The following RALYL variants were observed in gnomAD, a reference collection of about 807,000 sequenced individuals.
RALYL encodes the protein RALY RNA binding protein like, also known as RNA-binding Raly-like protein.
Under a neutral mutation model 35.1 loss-of-function variants are expected in RALYL, and 29 were observed. The ratio of observed to expected loss-of-function variants is 0.83; its 90% CI spans 0.61 to 1.13. The LOEUF (loss-of-function observed/expected upper bound fraction) is 1.13, where lower values mean the gene tolerates loss of function less well. Ranked by LOEUF, RALYL falls within the 50% of genes most tolerant of loss-of-function variation. The pLI is 0.00. For missense variants in RALYL, 359 were observed against 360.4 expected (o/e 1.00, Z 0.03); for synonymous variants, 120 against 127.6 (o/e 0.94, Z 0.40).
At chr8:84,874,278 A>C (rs1840726298) in intron 7 of RALYL, among the ~76,000 whole-genome samples, 1 of 152,080 alleles carries the variant, frequency 6.6e-6, no homozygotes, top group South Asian at 2.1e-4. Context: ...ATTTCTTATA[A>C]AATAAATAAA....
chr8:84,826,247 A>G (rs568632790), intron 4 of RALYL, among the ~76,000 whole-genome samples: 1 of 149,998 alleles, frequency 6.7e-6, no homozygotes, highest in South Asian at 2.1e-4. Context: ...TCATCATCAT[A>G]CAATGCACCC....
At chr8:84,304,886 A>T (rs2132424769) in intron 1 of RALYL, among the ~76,000 whole-genome samples, 1 of 152,324 alleles carries the variant, frequency 6.6e-6, no homozygotes, top group East Asian at 1.9e-4. Context: ...TAGATGCTGC[A>T]CTTAACGGTA....
intron 2 of RALYL, among the ~76,000 whole-genome samples, chr8:84,631,828 T>C (rs145642439): frequency 6.6e-6 from 1 of 152,078 alleles, no homozygotes; most frequent in Non-Finnish European, 1.5e-5. Flanking sequence ...GGAAAAATTA[T>C]ACACAAAATT....
At chr8:84,446,048 T>A (rs1365364975) in intron 1 of RALYL, among the ~76,000 whole-genome samples, 1 of 152,036 alleles carries the variant, frequency 6.6e-6, no homozygotes, top group Non-Finnish European at 1.5e-5. Flanking sequence ...ATTTCCTTGT[T>A]TTATATTTTA....
chr8:84,879,613 T>C (rs1841824360), intron 7 of RALYL, among the ~76,000 whole-genome samples: 2 of 152,020 alleles, frequency 1.3e-5, no homozygotes, highest in Admixed American at 6.6e-5. Flanking sequence ...TAGGAGTGCA[T>C]GTATTTAAAA....
intron 1 of RALYL, among the ~76,000 whole-genome samples, chr8:84,371,576 A>AAG (rs1389244022): frequency 2.9e-5 from 4 of 137,152 alleles, no homozygotes; most frequent in Non-Finnish European, 4.7e-5. Flanking sequence ...CACACACAGA[A>AAG]AGAGAGAGAG....
chr8:84,389,379 G>C (rs1022299429), intron 1 of RALYL, among the ~76,000 whole-genome samples: 1 of 151,984 alleles, frequency 6.6e-6, no homozygotes, highest in African/African-American at 2.4e-5. Flanking sequence ...ATTCTGTGAA[G>C]AAAGTCATTG....
intron 8 of RALYL, among the ~76,000 whole-genome samples, chr8:84,899,193 G>A (rs772379422): frequency 5.3e-5 from 8 of 152,222 alleles, no homozygotes; most frequent in Middle Eastern, 3.4e-3. Flanking sequence ...TCATCATTCT[G>A]TGTCACCCAT....
At chr8:84,684,372 A>G (rs1253501268) in intron 2 of RALYL, among the ~76,000 whole-genome samples, 1 of 152,194 alleles carries the variant, frequency 6.6e-6, no homozygotes, top group Non-Finnish European at 1.5e-5. Flanking sequence ...TTCAAGGAGC[A>G]TATAATCAAA....
chr8:84,411,595 C>A (rs923085795), intron 1 of RALYL, among the ~76,000 whole-genome samples: 2 of 151,850 alleles, frequency 1.3e-5, no homozygotes, highest in African/African-American at 4.8e-5. Flanking sequence ...ATCATCTCAC[C>A]ATCCTGAGGA....
intron 2 of RALYL, among the ~76,000 whole-genome samples, chr8:84,662,485 A>T (rs981913500): frequency 2.6e-5 from 4 of 152,162 alleles, no homozygotes; most frequent in African/African-American, 9.6e-5. Flanking sequence ...TTTTGTTTAA[A>T]CAAAGAAATC....
intron 3 of RALYL, among the ~76,000 whole-genome samples, chr8:84,794,705 C>T (rs920662606): frequency 1.3e-5 from 2 of 152,172 alleles, no homozygotes; most frequent in African/African-American, 2.4e-5. Context: ...TATCTTCCAG[C>T]ACCATCCTCA....
chr8:84,879,936 T>G (rs1292270799), intron 7 of RALYL, among the ~76,000 whole-genome samples: 1 of 151,990 alleles, frequency 6.6e-6, no homozygotes, highest in South Asian at 2.1e-4. Context: ...GGAGATAAAA[T>G]TGAACTCAAC....
At chr8:84,231,469 A>G (rs1486905074) in intron 1 of RALYL, among the ~76,000 whole-genome samples, 1 of 152,118 alleles carries the variant, frequency 6.6e-6, no homozygotes, top group African/African-American at 2.4e-5. Flanking sequence ...AAAAATGGCC[A>G]TGTTTGTTCT....
intron 1 of RALYL, among the ~76,000 whole-genome samples, chr8:84,368,725 C>G (rs1353342492): frequency 6.6e-6 from 1 of 152,146 alleles, no homozygotes; most frequent in Non-Finnish European, 1.5e-5. Flanking sequence ...GAAAGACCCA[C>G]CACCATGATT....
chr8:84,489,070 G>A (rs531221763), intron 1 of RALYL, among the ~76,000 whole-genome samples: 3 of 151,884 alleles, frequency 2.0e-5, no homozygotes, highest in Admixed American at 6.6e-5. Context: ...ATTGTGCCTC[G>A]CTATTATTTG....
intron 1 of RALYL, among the ~76,000 whole-genome samples, chr8:84,223,249 T>TCCCTTCC (rs1328140150): frequency 1.4e-5 from 2 of 143,230 alleles, no homozygotes; most frequent in African/African-American, 2.6e-5. Context: ...TTCCCTTCCT[T>TCCCTTCC]CTTTCCTTCA....
At chr8:84,895,174 A>T (rs1411786917) in intron 8 of RALYL, among the ~76,000 whole-genome samples, 1 of 151,960 alleles carries the variant, frequency 6.6e-6, no homozygotes, top group East Asian at 1.9e-4. Flanking sequence ...TTCGTCTTGA[A>T]CTCTATCAAT....
chr8:84,710,020 C>T (rs76995090), intron 2 of RALYL, among the ~76,000 whole-genome samples: 1 of 152,074 alleles, frequency 6.6e-6, no homozygotes, highest in African/African-American at 2.4e-5. Flanking sequence ...AAGATTGCAC[C>T]ACTGCACTCC....
Sources: gnomAD v4.1 joint callset for allele counts (sites outside exome capture counted in the v4.1 genomes callset) on GRCh38, gnomAD v4.1.1 for gene constraint, MANE v1.5 for transcripts, NCBI Gene and HGNC (gene_info 2026-07-23, HGNC 2026-07-21) for gene names.